STAT3: variants seen among roughly 807,000 people sequenced by gnomAD.
The protein encoded by STAT3 is DNA-binding protein APRF.
STAT3 carries 7 observed loss-of-function variants against 114.3 expected under a neutral mutation model. That is an observed-to-expected ratio of 0.06 (90% CI 0.03 to 0.11). STAT3 has a LOEUF of 0.11. Among genes scored for constraint, STAT3 ranks in the 10% least tolerant of loss-of-function variants. STAT3 has a pLI of 1.00. For synonymous variants in STAT3, 331 were observed against 354.5 expected (o/e 0.93, Z 0.74); for missense variants, 364 against 960.9 (o/e 0.38, Z 8.21).
At position 42,338,729 on chromosome 17, in the gene STAT3, G is replaced by A; in HGVS notation, c.550+2C>T. ...ATTTTAACATCTCTAATATTCACTT[G>A]CCTCCTTGACTCTTGAGGGTTTTAT... is the stretch of plus-strand genomic sequence containing the variant. On this transcript the variant is annotated splice_donor_variant, in intron 6 of 23. Coordinates refer to ENST00000264657, the MANE Select transcript of STAT3 (RefSeq NM_139276.3). LOFTEE classifies it low-confidence loss of function (GC_TO_GT_DONOR). The A allele has an allele frequency of 6.2e-7, 1 of 1,610,652 alleles. No homozygotes were observed. Among genetic ancestry groups the A allele is most frequent in the Non-Finnish European group, 8.5e-7 (1 of 1,176,962 alleles).
At chr17:42,329,479 G>A (rs754705368) in intron 13 of STAT3, 22 bp from the exon 14 acceptor site, 2 of 1,614,194 alleles carry the variant, frequency 1.2e-6, no homozygotes, top group Admixed American at 1.7e-5. Flanking sequence ...GAAAAAGGCA[G>A]GTGTCCTGTG....
intron 1 of STAT3, among the ~76,000 whole-genome samples, chr17:42,384,296 T>C (rs2084972993): frequency 6.6e-6 from 1 of 151,270 alleles, no homozygotes; most frequent in South Asian, 2.1e-4. Flanking sequence ...GCCCGGCTAC[T>C]TTTTTTTGTA....
At chr17:42,335,609 A>T (rs1023085604) in intron 8 of STAT3, among the ~76,000 whole-genome samples, 8 of 152,224 alleles carry the variant, frequency 5.3e-5, no homozygotes, top group African/African-American at 1.7e-4. Context: ...AAGCTCATTA[A>T]ATCTATCTCC....
At chr17:42,353,096 C>G (rs1324073867) in intron 1 of STAT3, among the ~76,000 whole-genome samples, 4 of 151,926 alleles carry the variant, frequency 2.6e-5, no homozygotes, top group Admixed American at 6.6e-5. Flanking sequence ...GCCTGTAATC[C>G]CAGCACTTAG....
intron 1 of STAT3, among the ~76,000 whole-genome samples, chr17:42,359,299 C>G (rs138892874): frequency 2.7e-4 from 41 of 152,264 alleles, no homozygotes; most frequent in African/African-American, 9.1e-4. Context: ...CCATCAGATT[C>G]ACTAGGGGTT....
intron 1 of STAT3, among the ~76,000 whole-genome samples, chr17:42,371,045 G>C (rs140967335): frequency 6.6e-6 from 1 of 152,278 alleles, no homozygotes; most frequent in East Asian, 1.9e-4. Context: ...TTCAGAGGTA[G>C]AACCAACAGG....
In STAT3 at chr17:42,316,905, T is replaced by TA. The variant is rs1436308423; in HGVS notation, c.2145-5dup. On this transcript the variant is annotated splice_polypyrimidine_tract_variant and splice_region_variant and intron_variant, in intron 22 of 23. Coordinates refer to ENST00000264657, the MANE Select transcript of STAT3 (RefSeq NM_139276.3). ...AATGGTATTGCTGCAGGTCGTTCTGTAGGAAATGGGGGGCAGCAGGAGGGG... is the reference window on the plus strand; with the variant it reads ...AATGGTATTGCTGCAGGTCGTTCTGTAAGGAAATGGGGGGCAGCAGGAGGGG... 2 of 1,594,358 alleles carry TA rather than the reference T, an allele frequency of 1.3e-6. No individual in the cohort carries two copies. Among genetic ancestry groups the TA allele is most frequent in the Non-Finnish European group, 8.5e-7 (1 of 1,172,530 alleles).
intron 2 of STAT3, 111 bp downstream of exon 2, chr17:42,348,278 C>T (rs779161217): frequency 3.4e-6 from 5 of 1,479,650 alleles, no homozygotes; most frequent in African/African-American, 1.4e-5. Context: ...TTCCCCATCA[C>T]CTGTACCCAT....
chr17:42,362,351 ACAT>A (rs1195419686), intron 1 of STAT3, among the ~76,000 whole-genome samples: 1 of 152,176 alleles, frequency 6.6e-6, no homozygotes, highest in African/African-American at 2.4e-5. Context: ...TCAGGCAGAA[ACAT>A]CAGAGCCAAA....
At chr17:42,363,482 T>C (rs1426724369) in intron 1 of STAT3, among the ~76,000 whole-genome samples, 2 of 152,130 alleles carry the variant, frequency 1.3e-5, no homozygotes, top group East Asian at 3.8e-4. Context: ...CTTGCTCTGT[T>C]ACCCAGGCTG....
chr17:42,360,820 A>G (rs961786036), intron 1 of STAT3, among the ~76,000 whole-genome samples: 1 of 152,128 alleles, frequency 6.6e-6, no homozygotes, highest in Non-Finnish European at 1.5e-5. Flanking sequence ...CTGTGTATCA[A>G]AATTGAAATG....
intron 1 of STAT3, among the ~76,000 whole-genome samples, chr17:42,361,067 T>C (rs1414713021): frequency 1.3e-5 from 2 of 152,122 alleles, no homozygotes; most frequent in Non-Finnish European, 2.9e-5. Flanking sequence ...TTCTTCCCCA[T>C]GAAGTAATAC....
intron 1 of STAT3, among the ~76,000 whole-genome samples, chr17:42,351,926 T>C (rs78498904): frequency 1.4e-5 from 2 of 146,260 alleles, no homozygotes; most frequent in East Asian, 2.0e-4. Flanking sequence ...GCCCAGCTAA[T>C]TTTTTTTTTT....
intron 1 of STAT3, among the ~76,000 whole-genome samples, chr17:42,355,392 T>C (rs1319703166): frequency 7.0e-4 from 106 of 152,178 alleles, no homozygotes; most frequent in Non-Finnish European, 4.4e-5. Flanking sequence ...GAGTGCCAAC[T>C]ACCACTCTGG....
At chr17:42,349,824 A>G (rs1265623412) in intron 1 of STAT3, among the ~76,000 whole-genome samples, 3 of 152,250 alleles carry the variant, frequency 2.0e-5, no homozygotes, top group Non-Finnish European at 1.5e-5. Context: ...TGGGAGGCCA[A>G]GGCGGGCAGA....
rs571072469 is a variant in STAT3 at position 42,315,554 on chromosome 17, C to T, written c.*191G>A. 1.5e-6 allele frequency: 1 copy of T among 652,474 alleles called. No individual in the cohort carries two copies. Among genetic ancestry groups the T allele is most frequent in the East Asian group, 2.7e-5 (1 of 37,016 alleles). The allele number at this position is 652,474 out of a possible 1,614,324, so 40.4% of individuals were successfully genotyped here. A position where few individuals can be genotyped will look rare whatever the true frequency, so the allele number is the denominator to read the frequency against. On this transcript the variant is annotated 3_prime_UTR_variant, in exon 24 of 24. Transcript: ENST00000264657. ...TTGCATTTAGATAAAAGCAGATCAC[C>T]CACATTCACTCATTTCTCTATTTTT...
Position 42,348,525 on chromosome 17 carries a change from A to G in STAT3, c.-9T>C. 1 of 1,613,272 alleles carries G rather than the reference A, an allele frequency of 6.2e-7. No individual in the cohort carries two copies. The highest frequency in any genetic ancestry group is 8.5e-7 in the Non-Finnish European group (1 of 1,179,966). On this transcript the variant is annotated 5_prime_UTR_variant, in exon 2 of 24. Transcript: ENST00000264657. ...TGATTCCATTGGGCCATCCTGCTAA[A>G]ATCAGGGGTCCCAACTGTAAACCAA...
intron 17 of STAT3, among the ~76,000 whole-genome samples, chr17:42,323,975 A>C (rs1301924481): frequency 6.6e-6 from 1 of 152,172 alleles, no homozygotes; most frequent in African/African-American, 2.4e-5. Flanking sequence ...TATTAGAACA[A>C]AGCTACTTCT....
At chr17:42,376,193 A>G (rs2084449302) in intron 1 of STAT3, among the ~76,000 whole-genome samples, 1 of 151,798 alleles carries the variant, frequency 6.6e-6, no homozygotes, top group South Asian at 2.1e-4. Flanking sequence ...CAACTGGGAT[A>G]CTGGCAGATA....
Sources: gnomAD v4.1 joint callset for allele counts (sites outside exome capture counted in the v4.1 genomes callset) on GRCh38, gnomAD v4.1.1 for gene constraint, MANE v1.5 for transcripts, NCBI Gene and HGNC (gene_info 2026-07-23, HGNC 2026-07-21) for gene names.